CBX1: variants seen among roughly 807,000 people sequenced by gnomAD.
The protein encoded by CBX1 is chromobox 1, also known as chromobox protein homolog 1.
A neutral mutation model predicts 25.1 loss-of-function variants in CBX1; 10 were observed. The observed-to-expected ratio is 0.40, with a 90% CI of 0.25 to 0.68. The LOEUF (loss-of-function observed/expected upper bound fraction) is 0.68, where lower values mean the gene tolerates loss of function less well. Ranked by LOEUF, CBX1 falls within the 30% of genes least tolerant of loss-of-function variation. The pLI is 0.40. For missense variants in CBX1, 106 were observed against 218.5 expected, an observed-to-expected ratio of 0.49 and a Z score of 3.25; for synonymous variants, 63 against 79.4, an observed-to-expected ratio of 0.79 and a Z score of 1.10.
At chr17:48,090,057 C>T (rs1482260769) in intron 1 of CBX1, among the ~76,000 whole-genome samples, 1 of 151,504 alleles carries the variant, frequency 6.6e-6, no homozygotes, top group Non-Finnish European at 1.5e-5. Context: ...GGGCGTGCAC[C>T]ACCACCCCTG....
intron 1 of CBX1, chr17:48,100,926 T>A (rs1431866085): frequency 1.0e-6 from 1 of 985,950 alleles, no homozygotes; most frequent in Non-Finnish European, 1.2e-6. Flanking sequence ...GCCTCAAGCC[T>A]GTCCCCTTCC....
chr17:48,082,346 CA>C (rs1195080198), intron 1 of CBX1, among the ~76,000 whole-genome samples: 153 of 151,362 alleles, frequency 1.0e-3, no homozygotes, highest in African/African-American at 3.7e-3. Flanking sequence ...ACTAAAAATA[CA>C]AAAAATTAGC....
intron 1 of CBX1, among the ~76,000 whole-genome samples, chr17:48,095,069 G>C (rs2063366342): frequency 6.6e-6 from 1 of 151,654 alleles, no homozygotes; most frequent in South Asian, 2.1e-4. Flanking sequence ...AAAGAAAAAA[G>C]AAAGTAGTGT....
rs371360245 is a variant in CBX1 at position 48,101,241 on chromosome 17, C to G, written c.-38+27G>C. 1.6e-4 allele frequency: 163 copies of G among 989,364 alleles called. No homozygotes were observed. The South Asian group carries it at 6.7e-3, about 41-fold the overall frequency. 61.3% of individuals were successfully genotyped at this position (989,364 alleles called of 1,614,324 possible). A position where few individuals can be genotyped will look rare whatever the true frequency, so the allele number is the denominator to read the frequency against. On this transcript the variant is annotated intron_variant, in intron 1 of 4. Transcript: ENST00000225603. ...GCCGCCGCCGCGCCCCCTCCCCCAG[C>G]TCTCCCGCCTCCAGCGGGCTCCTCA...
At chr17:48,092,072 C>A (rs916171400) in intron 1 of CBX1, among the ~76,000 whole-genome samples, 18 of 146,296 alleles carry the variant, frequency 1.2e-4, no homozygotes, top group Non-Finnish European at 2.1e-4. Context: ...CTCACCACAA[C>A]CTTCGCCTCC....
In CBX1 at chr17:48,077,027, T is replaced by TAAA. The variant is rs754382208; in HGVS notation, c.-26_-24dup. On this transcript the variant is annotated 5_prime_UTR_variant, in exon 2 of 5. Transcript: ENST00000225603. ...CATAGTGCCCGCCAGCTTTCTGGTG[T>TAAA]AAAGGGTGACGCTGCTAAAATGATA... The TAAA allele has an allele frequency of 1.9e-6, 3 of 1,608,156 alleles. No individual in the cohort carries two copies. The highest frequency in any genetic ancestry group is 2.2e-5 in the South Asian group (2 of 90,180).
chr17:48,074,838 A>T, intron 4 of CBX1, 168 bp downstream of exon 4: 1 of 613,302 alleles, frequency 1.6e-6, no homozygotes, highest in South Asian at 2.1e-5. Flanking sequence ...CCTGTAACTC[A>T]TGAGTCCAGG....
intron 1 of CBX1, among the ~76,000 whole-genome samples, chr17:48,081,481 C>A (rs1481848938): frequency 1.3e-5 from 2 of 152,196 alleles, no homozygotes; most frequent in African/African-American, 4.8e-5. Context: ...TCTTGTCGCC[C>A]AGGCTGGAGT....
At chr17:48,080,932 AAAAAAAAAAAAAAAAAAAAATATATATAT>A (rs1307180608) in intron 1 of CBX1, among the ~76,000 whole-genome samples, 2 of 39,850 alleles carry the variant, frequency 5.0e-5, no homozygotes, top group African/African-American at 2.2e-4. Context: ...AAAAAAAAAA[AAAAAAAAAAAAAAAAAAAAATATATATAT>A]ATATATATAT....
rs186046270 is a variant in CBX1, at chr17:48,095,070, A to G, written c.-38+6198T>C. Among the ~76,000 whole-genome samples the G allele has an allele frequency of 3.5e-3, 537 of 152,100 alleles. 3 individuals are homozygous for G. Among genetic ancestry groups the G allele is most frequent in the Middle Eastern group, 0.01 (3 of 294 alleles). ...TCAAAAAAAAAAAGAAAGAAAAAAG[A>G]AAGTAGTGTGCTCCTGTACAGGGCC... On this transcript the variant is annotated intron_variant, in intron 1 of 4. Coordinates refer to ENST00000225603, the MANE Select transcript of CBX1 (RefSeq NM_001127228.2).
chr17:48,096,325 GAC>G, intron 1 of CBX1: 2 of 984,852 alleles, frequency 2.0e-6, no homozygotes, highest in Non-Finnish European at 2.4e-6. Flanking sequence ...TGGATATTTT[GAC>G]ACAGATTTTT....
At chr17:48,097,532 G>A (rs1429815016) in intron 1 of CBX1, among the ~76,000 whole-genome samples, 1 of 148,050 alleles carries the variant, frequency 6.8e-6, no homozygotes, top group Admixed American at 6.7e-5. Flanking sequence ...CAGGAGGATC[G>A]CTTGAACCTG....
chr17:48,095,426 C>T (rs1331181722), intron 1 of CBX1, among the ~76,000 whole-genome samples: 2 of 151,904 alleles, frequency 1.3e-5, no homozygotes, highest in Non-Finnish European at 2.9e-5. Flanking sequence ...CCCATCTCTA[C>T]TAAAAATGCA....
intron 1 of CBX1, among the ~76,000 whole-genome samples, chr17:48,080,486 G>A (rs187948690): frequency 6.6e-6 from 1 of 152,152 alleles, no homozygotes; most frequent in African/African-American, 2.4e-5. Flanking sequence ...GAAGAGTTAC[G>A]TCTCCGCTTG....
At chr17:48,100,686 G>GCCTGCC in intron 1 of CBX1, 3 of 981,718 alleles carry the variant, frequency 3.1e-6, no homozygotes, top group Non-Finnish European at 3.6e-6. Flanking sequence ...CCCAGCAAAC[G>GCCTGCC]CCTGCCCCTC....
chr17:48,076,742 C>T (rs1020909379), intron 2 of CBX1, 123 bp downstream of exon 2: 1 of 814,732 alleles, frequency 1.2e-6, no homozygotes, highest in Non-Finnish European at 1.9e-6. Context: ...CCTAATTAAA[C>T]AATAAGCCAT....
At chr17:48,085,298 G>T (rs900588502) in intron 1 of CBX1, among the ~76,000 whole-genome samples, 4 of 152,164 alleles carry the variant, frequency 2.6e-5, no homozygotes, top group African/African-American at 9.7e-5. Context: ...AAATTTAGAT[G>T]AAATAGATCA....
chr17:48,079,091 C>T (rs1567764926), intron 1 of CBX1, among the ~76,000 whole-genome samples: 1 of 151,600 alleles, frequency 6.6e-6, no homozygotes, highest in Non-Finnish European at 1.5e-5. Context: ...GCCACCGAAC[C>T]CAGCTCCAGC....
chr17:48,076,987 G>C lies in CBX1; in HGVS notation c.18C>G (p.Asn6Lys). ...CTAGCACCTCCTCCACTTTCTTCTT[G>C]TTTTGTTTTTTCCCCATAGTGCCCG... Reference protein sequence around the residue: MGKKQNKKKVEEVLEE... With the variant: MGKKQKKKKVEEVLEE... The change falls in exon 2 of 5, where the codon AAC becomes AAG. Residue 6 changes from asparagine to lysine, a missense_variant. Physicochemically the swap from Asn to Lys is moderately conservative, Grantham distance 94. This residue lies in a region of CBX1 where 19 missense variants were observed against 17.3 expected (regional missense o/e 1.10). Coordinates refer to ENST00000225603, the MANE Select transcript of CBX1 (RefSeq NM_001127228.2). 1.7e-5 allele frequency: 27 copies of C among 1,612,928 alleles called. No individual in the cohort carries two copies. Among genetic ancestry groups the C allele is most frequent in the Non-Finnish European group, 2.3e-5 (27 of 1,179,568 alleles).
Sources: allele counts gnomAD v4.1 joint callset (sites outside exome capture counted in the v4.1 genomes callset), GRCh38; gene constraint gnomAD v4.1.1; regional missense constraint gnomAD v4.1.1; transcripts MANE v1.5; gene names NCBI Gene and HGNC (gene_info 2026-07-23, HGNC 2026-07-21).